The following GRM7 variants were observed in gnomAD, a reference collection of about 807,000 sequenced individuals.
The protein encoded by GRM7 is metabotropic glutamate receptor 7.
A neutral mutation model predicts 84.5 loss-of-function variants in GRM7; 35 were observed. The ratio of observed to expected loss-of-function variants is 0.41; its 90% CI spans 0.32 to 0.55. The LOEUF is 0.55. GRM7 is among the 20% of genes least tolerant of loss of function. GRM7 has a pLI of 0.19. For missense variants in GRM7, 1,003 were observed against 1,194.6 expected (o/e 0.84, Z 2.36); for synonymous variants, 487 against 455.1 (o/e 1.07, Z -0.89).
intron 2 of GRM7, among the ~76,000 whole-genome samples, chr3:7,241,520 G>C (rs957855636): frequency 7.2e-5 from 11 of 151,976 alleles, no homozygotes; most frequent in Non-Finnish European, 1.3e-4. Context: ...GCCAGGAAAA[G>C]TCTAATTTAA....
At chr3:7,343,601 T>C (rs57489511) in intron 4 of GRM7, among the ~76,000 whole-genome samples, 6,340 of 152,248 alleles carry the variant, frequency 0.042, 295 homozygotes, top group African/African-American at 0.12. Context: ...TGCACAGTTA[T>C]TGATGCTCAG....
At chr3:7,320,861 G>A (rs1437541155) in intron 4 of GRM7, among the ~76,000 whole-genome samples, 2 of 151,906 alleles carry the variant, frequency 1.3e-5, no homozygotes, top group African/African-American at 4.8e-5. Flanking sequence ...ATAAACATTT[G>A]TTTTATGAGG....
chr3:7,326,929 A>C (rs1183764039), intron 4 of GRM7, among the ~76,000 whole-genome samples: 3 of 152,040 alleles, frequency 2.0e-5, no homozygotes, highest in Non-Finnish European at 4.4e-5. Context: ...TCCTCACTAC[A>C]CTTATCAAAA....
intron 4 of GRM7, among the ~76,000 whole-genome samples, chr3:7,317,464 C>A (rs1700624428): frequency 6.6e-6 from 1 of 152,084 alleles, no homozygotes; most frequent in Non-Finnish European, 1.5e-5. Context: ...TGAGCAATAA[C>A]TTAAGAGAAA....
chr3:6,985,047 A>G (rs1308955533), intron 1 of GRM7, among the ~76,000 whole-genome samples: 1 of 152,112 alleles, frequency 6.6e-6, no homozygotes, highest in Non-Finnish European at 1.5e-5. Context: ...TGTTTCCGCC[A>G]TTTATCACAT....
intron 7 of GRM7, among the ~76,000 whole-genome samples, chr3:7,494,874 C>A (rs556644029): frequency 5.6e-4 from 85 of 152,260 alleles, no homozygotes; most frequent in Non-Finnish European, 8.1e-4. Flanking sequence ...ATTGTTAAAT[C>A]ATTTTTATGA....
intron 3 of GRM7, among the ~76,000 whole-genome samples, chr3:7,299,521 T>C (rs1699925604): frequency 6.6e-6 from 1 of 152,216 alleles, no homozygotes; most frequent in South Asian, 2.1e-4. Flanking sequence ...AAATTTAAAG[T>C]AAACATACAA....
intron 2 of GRM7, among the ~76,000 whole-genome samples, chr3:7,260,998 C>T (rs1013532070): frequency 6.6e-6 from 1 of 152,142 alleles, no homozygotes; most frequent in African/African-American, 2.4e-5. Flanking sequence ...TCAATGCCTT[C>T]CCTCTGAATA....
At chr3:7,623,771 A>C (rs913124514) in intron 8 of GRM7, among the ~76,000 whole-genome samples, 2 of 152,188 alleles carry the variant, frequency 1.3e-5, no homozygotes, top group African/African-American at 4.8e-5. Flanking sequence ...TATTACACAC[A>C]GTACAGTATC....
chr3:6,950,569 G>A (rs540120935), intron 1 of GRM7, among the ~76,000 whole-genome samples: 247 of 152,306 alleles, frequency 1.6e-3, no homozygotes, highest in African/African-American at 5.8e-3. Flanking sequence ...GAGAACCACT[G>A]CTCTCTTCAA....
At chr3:7,663,056 A>G (rs1699533820) in intron 8 of GRM7, among the ~76,000 whole-genome samples, 1 of 152,188 alleles carries the variant, frequency 6.6e-6, no homozygotes, top group African/African-American at 2.4e-5. Flanking sequence ...TACATTTAGA[A>G]TAGTCTTGAT....
chr3:7,459,778 G>A (rs1698165043), intron 6 of GRM7, among the ~76,000 whole-genome samples: 7 of 152,110 alleles, frequency 4.6e-5, no homozygotes, highest in Admixed American at 3.9e-4. Flanking sequence ...ACCGTATCAG[G>A]GCATTACCTG....
At chr3:7,256,028 G>A (rs907089984) in intron 2 of GRM7, among the ~76,000 whole-genome samples, 10 of 152,188 alleles carry the variant, frequency 6.6e-5, no homozygotes, top group Non-Finnish European at 1.0e-4. Flanking sequence ...CCTGACTCTC[G>A]TAGGACCTCT....
intron 7 of GRM7, among the ~76,000 whole-genome samples, chr3:7,491,828 T>C (rs551560423): frequency 1.3e-5 from 2 of 152,314 alleles, no homozygotes; most frequent in South Asian, 4.1e-4. Flanking sequence ...ATGGTGAGTA[T>C]ATAATAAATA....
intron 1 of GRM7, among the ~76,000 whole-genome samples, chr3:7,076,524 C>G (rs79395301): frequency 3.3e-5 from 5 of 152,182 alleles, no homozygotes; most frequent in African/African-American, 9.6e-5. Context: ...TCCACCATGA[C>G]TGTCAGTTTC....
intron 8 of GRM7, among the ~76,000 whole-genome samples, chr3:7,626,332 A>G (rs1697607810): frequency 6.6e-6 from 1 of 152,208 alleles, no homozygotes; most frequent in South Asian, 2.1e-4. Context: ...GAAGGCAACT[A>G]GAGTTACTCA....
intron 7 of GRM7, among the ~76,000 whole-genome samples, chr3:7,566,239 T>A (rs1303669511): frequency 6.6e-6 from 1 of 151,162 alleles, no homozygotes; most frequent in Non-Finnish European, 1.5e-5. Context: ...AATATGTACA[T>A]CAATGAATGT....
intron 1 of GRM7, among the ~76,000 whole-genome samples, chr3:6,968,206 T>C (rs1477224037): frequency 6.6e-6 from 1 of 152,154 alleles, no homozygotes; most frequent in Non-Finnish European, 1.5e-5. Flanking sequence ...TGATAGTCTC[T>C]CGGATTCCTC....
intron 1 of GRM7, among the ~76,000 whole-genome samples, chr3:6,954,006 A>G (rs550820589): frequency 6.6e-6 from 1 of 152,300 alleles, no homozygotes; most frequent in East Asian, 1.9e-4. Context: ...CTCCTTGTGG[A>G]TGGCGATAAT....
Sources: allele counts gnomAD v4.1 joint callset (sites outside exome capture counted in the v4.1 genomes callset), GRCh38; gene constraint gnomAD v4.1.1; transcripts MANE v1.5; gene names NCBI Gene and HGNC (gene_info 2026-07-23, HGNC 2026-07-21).